The following PDE1C variants were observed in gnomAD, a reference collection of about 807,000 sequenced individuals.
PDE1C encodes phosphodiesterase 1C.
Under a neutral mutation model 93.1 loss-of-function variants are expected in PDE1C, and 62 were observed. The ratio of observed to expected loss-of-function variants is 0.67; its 90% CI spans 0.54 to 0.82. The LOEUF (loss-of-function observed/expected upper bound fraction) is 0.82, where lower values mean the gene tolerates loss of function less well. PDE1C is among the 40% of genes least tolerant of loss of function. PDE1C has a pLI of 0.00. For synonymous variants in PDE1C, 325 were observed against 310.1 expected (o/e 1.05, Z -0.50); for missense variants, 742 against 884.6 (o/e 0.84, Z 2.04).
chr7:31,883,428 T>C (rs1447542393), intron 2 of PDE1C, among the ~76,000 whole-genome samples: 1 of 152,136 alleles, frequency 6.6e-6, no homozygotes, highest in Admixed American at 6.5e-5. Context: ...ACAGATAAAA[T>C]AAAATGCTGA....
the PDE1C span, among the ~76,000 whole-genome samples, chr7:31,680,268 A>G: frequency 6.6e-6 from 1 of 152,220 alleles, no homozygotes; most frequent in Non-Finnish European, 1.5e-5. Context: ...GATACTCAAA[A>G]AAGAATAAAA....
At chr7:31,840,697 C>T (rs1791748590) in intron 9 of PDE1C, among the ~76,000 whole-genome samples, 1 of 152,030 alleles carries the variant, frequency 6.6e-6, no homozygotes, top group Non-Finnish European at 1.5e-5. Context: ...ATTTTCTTTT[C>T]CCCATTGAAT....
chr7:32,363,507 G>T (rs1000302515), intron 1 of PDE1C, among the ~76,000 whole-genome samples: 4 of 152,308 alleles, frequency 2.6e-5, no homozygotes, highest in African/African-American at 9.6e-5. Flanking sequence ...AATCTGAACT[G>T]CTTGTAAAGT....
chr7:31,799,770 C>T (rs1785766077), intron 16 of PDE1C, among the ~76,000 whole-genome samples: 1 of 151,646 alleles, frequency 6.6e-6, no homozygotes, highest in African/African-American at 2.4e-5. Context: ...ACTGGCTACC[C>T]TGCCTCCTCC....
At chr7:31,654,053 C>CAAAAA in the PDE1C span, among the ~76,000 whole-genome samples, 2 of 130,364 alleles carry the variant, frequency 1.5e-5, no homozygotes, top group Admixed American at 7.7e-5. Flanking sequence ...AGAGTAAGTC[C>CAAAAA]AAAAAAAAAA....
the PDE1C span, among the ~76,000 whole-genome samples, chr7:31,716,572 C>A: frequency 1.3e-5 from 2 of 152,162 alleles, no homozygotes; most frequent in Non-Finnish European, 2.9e-5. Context: ...AATAGATGTG[C>A]ACCATGATCA....
In PDE1C at chr7:32,328,171, T is replaced by A. The variant is rs143095852; in HGVS notation, c.310+99651A>T. Among the ~76,000 whole-genome samples, 852 of 152,338 alleles carry A rather than the reference T, an allele frequency of 5.6e-3. 6 individuals are homozygous for A. Among genetic ancestry groups the A allele is most frequent in the African/African-American group, 0.02 (818 of 41,576 alleles). On this transcript the variant is annotated intron_variant, in intron 1 of 1. Transcript: ENST00000672256. ...ATCATTTGCCACTCTCATCACAGTA[T>A]AGAGTAGTTCTATTGTTCACATCCT...
At chr7:32,337,084 A>T (rs1783640866) in intron 1 of PDE1C, among the ~76,000 whole-genome samples, 1 of 151,336 alleles carries the variant, frequency 6.6e-6, no homozygotes. Context: ...CTACTTTCCC[A>T]GCTCAAGTAT....
intron 17 of PDE1C, among the ~76,000 whole-genome samples, chr7:31,755,829 T>C (rs1379946227): frequency 6.6e-6 from 1 of 152,176 alleles, no homozygotes; most frequent in Non-Finnish European, 1.5e-5. Flanking sequence ...GAGCCCTTAG[T>C]ATGGATTGGA....
intron 2 of PDE1C, among the ~76,000 whole-genome samples, chr7:32,021,258 TTGTTG>T (rs1326980858): frequency 6.6e-6 from 1 of 152,094 alleles, no homozygotes; most frequent in Non-Finnish European, 1.5e-5. Context: ...CCCAAAGATT[TTGTTG>T]TGTGGAAATG....
chr7:31,715,145 T>A, the PDE1C span, among the ~76,000 whole-genome samples: 3 of 152,168 alleles, frequency 2.0e-5, no homozygotes, highest in East Asian at 5.8e-4. Context: ...ATTCCAACAA[T>A]TGTAATCATT....
At chr7:31,960,300 TAGAC>T (rs944264149) in intron 2 of PDE1C, among the ~76,000 whole-genome samples, 1 of 152,238 alleles carries the variant, frequency 6.6e-6, no homozygotes, top group Non-Finnish European at 1.5e-5. Flanking sequence ...CCCTGTGTGT[TAGAC>T]AGAGAAAGAC....
rs137988640 is a variant in PDE1C at position 32,363,361 on chromosome 7, G to A, written c.310+64461C>T. On this transcript the variant is annotated intron_variant, in intron 1 of 1. Coordinates refer to the PDE1C transcript ENST00000672256. ...TAATGTGCCCAAGGCCACACAGCAA[G>A]TAACCAGCAGAGCTGGGATTCCAAG... 1.4e-3 allele frequency among the ~76,000 whole-genome samples: 218 copies of A among 152,342 alleles called. 1 individual carries two copies. Among genetic ancestry groups the A allele is most frequent in the African/African-American group, 5.0e-3 (209 of 41,582 alleles).
At position 32,224,985 on chromosome 7, in the gene PDE1C, G is replaced by A. The variant is rs114107467; in HGVS notation, c.86-15446C>T. Among the ~76,000 whole-genome samples the A allele has an allele frequency of 4.3e-3, 650 of 151,534 alleles. 7 individuals carry two copies. The highest frequency in any genetic ancestry group is 0.015 in the African/African-American group (629 of 41,286). ...ATGAAGAGATCCCCCAGGAACTTGG[G>A]CATCTGATTGGACCTTCAGGAATCA... On this transcript the variant is annotated intron_variant, in intron 1 of 18. Coordinates refer to the PDE1C transcript ENST00000396193.
rs932838499 is a variant in PDE1C, at chr7:32,183,542, A to C, written c.137-13586T>G. 3.4e-4 allele frequency among the ~76,000 whole-genome samples: 51 copies of C among 152,180 alleles called. 1 individual carries two copies. Among genetic ancestry groups the C allele is most frequent in the African/African-American group, 8.7e-4 (36 of 41,450 alleles). On this transcript the variant is annotated intron_variant, in intron 2 of 18. Transcript: ENST00000396193. ...CTTTGACAAACCTGACAAAAACAAGAAATGGGGAAAGGATTCCCTATTTAA... is the reference window on the plus strand; with the variant it reads ...CTTTGACAAACCTGACAAAAACAAGCAATGGGGAAAGGATTCCCTATTTAA...
In PDE1C at chr7:32,426,581, C is replaced by T. The variant is rs59928434; in HGVS notation, c.310+1241G>A. Among the ~76,000 whole-genome samples, 717 of 152,194 alleles carry T rather than the reference C, an allele frequency of 4.7e-3. 4 individuals carry two copies. The highest frequency in any genetic ancestry group is 0.016 in the African/African-American group (653 of 41,504). On this transcript the variant is annotated intron_variant, in intron 1 of 1. Coordinates refer to the PDE1C transcript ENST00000672256. Reference sequence around the variant, plus strand: ...TCATTTTAAAAGAGCAGATTGTACACGCTTAGAAAATGTAAGTAGCCCACC... The same window carrying T: ...TCATTTTAAAAGAGCAGATTGTACATGCTTAGAAAATGTAAGTAGCCCACC...
intron 1 of PDE1C, among the ~76,000 whole-genome samples, chr7:32,379,125 G>GTGC (rs1562698389): frequency 6.6e-6 from 1 of 152,096 alleles, no homozygotes; most frequent in African/African-American, 2.4e-5. Context: ...ACTGAAAGAC[G>GTGC]TGCAGTTCCC....
At chr7:32,357,821 C>T (rs1042351036) in intron 1 of PDE1C, among the ~76,000 whole-genome samples, 1 of 152,186 alleles carries the variant, frequency 6.6e-6, no homozygotes, top group Non-Finnish European at 1.5e-5. Context: ...AGGTAGACAT[C>T]AGCTGGCATT....
At chr7:32,248,894 T>G (rs555229526) in intron 1 of PDE1C, among the ~76,000 whole-genome samples, 2 of 152,160 alleles carry the variant, frequency 1.3e-5, no homozygotes, top group African/African-American at 4.8e-5. Context: ...AGACCAGACA[T>G]GAGACATGTT....
Sources: allele counts gnomAD v4.1 joint callset (sites outside exome capture counted in the v4.1 genomes callset), GRCh38; gene constraint gnomAD v4.1.1; transcripts MANE v1.5; gene names NCBI Gene and HGNC (gene_info 2026-07-23, HGNC 2026-07-21).